The following ANKRD31 variants were observed in gnomAD, a reference collection of about 807,000 sequenced individuals.
ANKRD31 encodes ankyrin repeat domain 31.
In ANKRD31, 147 loss-of-function variants were observed where a neutral mutation model predicts 186.0. The ratio of observed to expected loss-of-function variants is 0.79; its 90% CI spans 0.69 to 0.91. ANKRD31 has a LOEUF of 0.91. ANKRD31 is among the 40% of genes least tolerant of loss of function. The pLI is 0.00. For missense variants in ANKRD31, 1,986 were observed against 2,148.8 expected (o/e 0.92, Z 1.50); for synonymous variants, 673 against 736.4 (o/e 0.91, Z 1.39).
intron 17 of ANKRD31, among the ~76,000 whole-genome samples, chr5:75,134,903 C>T (rs914981159): frequency 6.6e-6 from 1 of 152,014 alleles, no homozygotes; most frequent in Admixed American, 6.6e-5. Flanking sequence ...ATGAACAGAA[C>T]CAAAGACAAA....
At chr5:75,102,611 C>G (rs1191688232) in intron 22 of ANKRD31, among the ~76,000 whole-genome samples, 1 of 152,216 alleles carries the variant, frequency 6.6e-6, no homozygotes, top group African/African-American at 2.4e-5. Context: ...CTTTGTTTAC[C>G]TTCTCAAGCC....
intron 10 of ANKRD31, among the ~76,000 whole-genome samples, chr5:75,183,310 A>T (rs1437750111): frequency 6.6e-6 from 1 of 152,186 alleles, no homozygotes; most frequent in African/African-American, 2.4e-5. Flanking sequence ...AGCTACCTTC[A>T]TATGAAACAG....
At position 75,068,536 on chromosome 5, in the gene ANKRD31, C is replaced by CA; in HGVS notation, c.5775dup (p.Glu1926Ter). On this transcript the variant is annotated frameshift_variant, in exon 26 of 26. Transcript: ENST00000506364. LOFTEE classifies it high-confidence loss of function. ...CCAAGGTTTTAGGGTGTTAGTTCCT[C>CA]ACATTCCACACAAAACTTCCAATGC... 1.3e-6 allele frequency: 2 copies of CA among 1,514,734 alleles called. No homozygotes were observed. Among genetic ancestry groups the CA allele is most frequent in the Non-Finnish European group, 1.8e-6 (2 of 1,137,656 alleles). The allele number at this position is 1,514,734 out of a possible 1,614,324, so 93.8% of individuals were successfully genotyped here. A position where few individuals can be genotyped will look rare whatever the true frequency, so the allele number is the denominator to read the frequency against.
At chr5:75,094,904 T>A (rs1242910675) in intron 22 of ANKRD31, among the ~76,000 whole-genome samples, 1 of 151,930 alleles carries the variant, frequency 6.6e-6, no homozygotes, top group Non-Finnish European at 1.5e-5. Flanking sequence ...TCAAACAAAC[T>A]AGATCTTAAA....
chr5:75,079,768 G>A (rs1445778032), intron 25 of ANKRD31, among the ~76,000 whole-genome samples: 4 of 152,148 alleles, frequency 2.6e-5, no homozygotes, highest in Non-Finnish European at 5.9e-5. Context: ...GAGCAACTGC[G>A]CCCGGCCAAG....
At chr5:75,174,408 A>C (rs1753602699) in intron 10 of ANKRD31, among the ~76,000 whole-genome samples, 1 of 152,232 alleles carries the variant, frequency 6.6e-6, no homozygotes. Flanking sequence ...GCTTCTCCAC[A>C]GGAAAAGAAA....
intron 25 of ANKRD31, among the ~76,000 whole-genome samples, chr5:75,077,500 G>C (rs77647612): frequency 2.1e-5 from 3 of 145,012 alleles, no homozygotes; most frequent in East Asian, 1.9e-4. Context: ...TCACTCTTTG[G>C]GGGGGGAATT....
chr5:75,181,198 C>T (rs186917486), intron 10 of ANKRD31, among the ~76,000 whole-genome samples: 2 of 152,108 alleles, frequency 1.3e-5, no homozygotes, highest in South Asian at 2.1e-4. Flanking sequence ...CCATCTCACC[C>T]CAGTTAGAAT....
At chr5:75,131,365 CTG>C (rs1749812066) in intron 17 of ANKRD31, among the ~76,000 whole-genome samples, 1 of 152,180 alleles carries the variant, frequency 6.6e-6, no homozygotes, top group East Asian at 1.9e-4. Context: ...AGATTATATC[CTG>C]TGCATGGGTC....
At chr5:75,074,730 T>A (rs1351133538) in intron 25 of ANKRD31, among the ~76,000 whole-genome samples, 2 of 151,994 alleles carry the variant, frequency 1.3e-5, no homozygotes, top group Admixed American at 6.6e-5. Context: ...AATAAAAGAT[T>A]TTTTTTTAAA....
intron 2 of ANKRD31, among the ~76,000 whole-genome samples, chr5:75,229,464 C>T (rs1425162747): frequency 1.3e-5 from 2 of 152,074 alleles, no homozygotes; most frequent in East Asian, 1.9e-4. Flanking sequence ...CCAGTGCTGT[C>T]GCTAGTCTAA....
In ANKRD31 at chr5:75,112,701, T is replaced by C. The variant is rs1413614232; in HGVS notation, c.4156-101A>G. ...AGTAAATAAAATACTAAAGAAAGTGTTCCTAAAAATGCTCATTCCTCTTTA... is the reference window on the plus strand; with the variant it reads ...AGTAAATAAAATACTAAAGAAAGTGCTCCTAAAAATGCTCATTCCTCTTTA... On this transcript the variant is annotated intron_variant, in intron 19 of 25. Transcript: ENST00000506364. 7 of 695,736 alleles carry C rather than the reference T, an allele frequency of 1.0e-5. No homozygotes were observed. The East Asian group carries it at 2.1e-4, about 21-fold the overall frequency. The allele number at this position is 695,736 out of a possible 1,614,324, so 43.1% of individuals were successfully genotyped here. A position where few individuals can be genotyped will look rare whatever the true frequency, so the allele number is the denominator to read the frequency against.
At chr5:75,182,709 G>A (rs1433144756) in intron 10 of ANKRD31, among the ~76,000 whole-genome samples, 1 of 148,396 alleles carries the variant, frequency 6.7e-6, no homozygotes. Flanking sequence ...ACAAGAGTGA[G>A]AGTCCAACTT....
At chr5:75,131,236 C>T (rs765400307) in intron 17 of ANKRD31, among the ~76,000 whole-genome samples, 32 of 152,214 alleles carry the variant, frequency 2.1e-4, no homozygotes, top group Non-Finnish European at 4.1e-4. Flanking sequence ...CACAGTGCAA[C>T]GGCAGGCTGA....
intron 23 of ANKRD31, among the ~76,000 whole-genome samples, chr5:75,090,957 A>G (rs1253533170): frequency 2.0e-5 from 3 of 152,218 alleles, no homozygotes; most frequent in Admixed American, 1.3e-4. Flanking sequence ...TTGGGAGATC[A>G]AATGGGAAGA....
intron 10 of ANKRD31, among the ~76,000 whole-genome samples, chr5:75,176,413 C>T (rs1378085697): frequency 6.6e-6 from 1 of 152,200 alleles, no homozygotes; most frequent in Non-Finnish European, 1.5e-5. Flanking sequence ...AGCTTGAGAT[C>T]TGAGAAAGAG....
rs368817033 is a variant in ANKRD31 at position 75,194,793 on chromosome 5, T to C, written c.1017+838A>G. On this transcript the variant is annotated intron_variant, in intron 7 of 25. Coordinates refer to ENST00000506364, the MANE Select transcript of ANKRD31 (RefSeq NM_001372053.1). ...AGGCATTATATATAATATAATCCCATTAGTATAAAATGAACTAATATAGAA... is the reference window on the plus strand; with the variant it reads ...AGGCATTATATATAATATAATCCCACTAGTATAAAATGAACTAATATAGAA... Among the ~76,000 whole-genome samples, 7 of 152,090 alleles carry C rather than the reference T, an allele frequency of 4.6e-5. No individual in the cohort carries two copies. In the East Asian group the frequency reaches 7.7e-4, roughly 17 times the overall value.
rs183086601 is a variant in ANKRD31 at position 75,070,774 on chromosome 5, T to C, written c.5648-2110A>G. Among the ~76,000 whole-genome samples the C allele has an allele frequency of 3.7e-3, 563 of 152,364 alleles. 4 individuals are homozygous for C. Among genetic ancestry groups the C allele is most frequent in the Middle Eastern group, 6.8e-3 (2 of 294 alleles). On this transcript the variant is annotated intron_variant, in intron 25 of 25. Coordinates refer to ENST00000506364, the MANE Select transcript of ANKRD31 (RefSeq NM_001372053.1). ...TATACTTAGCATCCATTAAAGTTCC[T>C]AGGACTAGGAAAGTGTCTATTAAAA...
At chr5:75,126,449 A>C (rs1356988424) in intron 17 of ANKRD31, among the ~76,000 whole-genome samples, 1 of 152,168 alleles carries the variant, frequency 6.6e-6, no homozygotes, top group Non-Finnish European at 1.5e-5. Context: ...CTCAAAAAAA[A>C]AGTTTGTTCC....
Sources: gnomAD v4.1 joint callset for allele counts (sites outside exome capture counted in the v4.1 genomes callset) on GRCh38, gnomAD v4.1.1 for gene constraint, MANE v1.5 for transcripts, NCBI Gene and HGNC (gene_info 2026-07-23, HGNC 2026-07-21) for gene names.